The following ROBO1 variants were observed in gnomAD, a reference collection of about 807,000 sequenced individuals.
ROBO1 encodes the protein roundabout homolog 1.
Under a neutral mutation model 195.9 loss-of-function variants are expected in ROBO1, and 149 were observed. The observed-to-expected ratio is 0.76, with a 90% CI of 0.67 to 0.87. The LOEUF (loss-of-function observed/expected upper bound fraction) is 0.87, where lower values mean the gene tolerates loss of function less well. Ranked by LOEUF, ROBO1 falls within the 40% of genes least tolerant of loss-of-function variation. ROBO1 has a pLI of 0.00. For synonymous variants in ROBO1, 816 were observed against 733.2 expected (o/e 1.11, Z -1.82); for missense variants, 1,933 against 2,068.3 (o/e 0.93, Z 1.27).
At chr3:78,713,623 C>T (rs1166614471) in intron 8 of ROBO1, among the ~76,000 whole-genome samples, 7 of 151,750 alleles carry the variant, frequency 4.6e-5, no homozygotes, top group South Asian at 2.1e-4. Context: ...ATAATCAGTA[C>T]GACATCACAG....
intron 3 of ROBO1, among the ~76,000 whole-genome samples, chr3:79,089,528 TATC>T (rs2079437210): frequency 6.6e-6 from 1 of 152,160 alleles, no homozygotes; most frequent in Non-Finnish European, 1.5e-5. Context: ...TTCACTGAAT[TATC>T]ATGCTGTTGA....
chr3:79,126,356 C>A lies in ROBO1; in HGVS notation c.89-817G>T, dbSNP rs551511478. Among the ~76,000 whole-genome samples the A allele has an allele frequency of 1.2e-4, 19 of 152,200 alleles. No homozygotes were observed. The South Asian group carries it at 3.1e-3, about 25-fold the overall frequency. On this transcript the variant is annotated intron_variant, in intron 2 of 30. Coordinates refer to ENST00000464233, the MANE Select transcript of ROBO1 (RefSeq NM_002941.4). Reference sequence around the variant, plus strand: ...CTTAAATTGCACATTAATTTTCCCACGCAGAATTTTAGAGTGGAGGCTAAG... The same window carrying A: ...CTTAAATTGCACATTAATTTTCCCAAGCAGAATTTTAGAGTGGAGGCTAAG...
chr3:79,025,913 A>T (rs1208151052), intron 3 of ROBO1, among the ~76,000 whole-genome samples: 2 of 152,148 alleles, frequency 1.3e-5, no homozygotes, highest in Non-Finnish European at 2.9e-5. Flanking sequence ...ACTGGAACAC[A>T]GTTCTCTAAA....
At chr3:79,089,490 C>T (rs1045665661) in intron 3 of ROBO1, among the ~76,000 whole-genome samples, 4 of 152,100 alleles carry the variant, frequency 2.6e-5, no homozygotes, top group African/African-American at 7.2e-5. Flanking sequence ...TTACAAACAA[C>T]GTTTTAATGA....
chr3:79,354,125 A>G (rs1242708776), intron 2 of ROBO1, among the ~76,000 whole-genome samples: 4 of 152,094 alleles, frequency 2.6e-5, no homozygotes, highest in South Asian at 2.1e-4. Flanking sequence ...CACATCTAAT[A>G]CTATTACTGA....
intron 3 of ROBO1, among the ~76,000 whole-genome samples, chr3:78,990,858 T>C (rs2077220909): frequency 1.3e-5 from 2 of 152,168 alleles, no homozygotes; most frequent in Non-Finnish European, 2.9e-5. Context: ...ATTTACATAT[T>C]TATAAATGAA....
At chr3:78,780,626 A>T (rs1288776471) in intron 4 of ROBO1, among the ~76,000 whole-genome samples, 1 of 152,174 alleles carries the variant, frequency 6.6e-6, no homozygotes, top group Non-Finnish European at 1.5e-5. Flanking sequence ...CTCTTTTCAC[A>T]TCAGCTTTTA....
chr3:79,030,732 AT>A (rs1172428824), intron 3 of ROBO1, among the ~76,000 whole-genome samples: 1 of 151,996 alleles, frequency 6.6e-6, no homozygotes, highest in African/African-American at 2.4e-5. Context: ...TTATTTATTT[AT>A]TTTTTTGAGA....
intron 4 of ROBO1, among the ~76,000 whole-genome samples, chr3:78,839,862 GATAAAA>G (rs2033054946): frequency 2.0e-5 from 3 of 152,144 alleles, no homozygotes; most frequent in African/African-American, 4.8e-5. Context: ...GCCATCTGCA[GATAAAA>G]TGGTTCTGAA....
chr3:78,807,059 C>T (rs533785763), intron 4 of ROBO1, among the ~76,000 whole-genome samples: 5 of 152,184 alleles, frequency 3.3e-5, no homozygotes, highest in East Asian at 3.9e-4. Context: ...CCACCCACCT[C>T]GGCCTCCCAA....
intron 4 of ROBO1, among the ~76,000 whole-genome samples, chr3:78,934,191 T>C (rs924209029): frequency 5.9e-5 from 9 of 151,932 alleles, no homozygotes; most frequent in Admixed American, 2.0e-4. Flanking sequence ...GCAAAAACAA[T>C]TGAGACTTAT....
At chr3:79,421,025 G>A (rs2038202149) in intron 2 of ROBO1, among the ~76,000 whole-genome samples, 1 of 152,070 alleles carries the variant, frequency 6.6e-6, no homozygotes, top group African/African-American at 2.4e-5. Flanking sequence ...TATACACCAT[G>A]GAATACTATG....
At chr3:79,341,493 T>G (rs2034903837) in intron 2 of ROBO1, among the ~76,000 whole-genome samples, 1 of 151,676 alleles carries the variant, frequency 6.6e-6, no homozygotes, top group Non-Finnish European at 1.5e-5. Context: ...TACCACTGGT[T>G]CTTTTTTTTT....
chr3:79,712,155 C>G (rs1702303437), intron 1 of ROBO1, among the ~76,000 whole-genome samples: 1 of 151,996 alleles, frequency 6.6e-6, no homozygotes, highest in Non-Finnish European at 1.5e-5. Context: ...TGCATATCTC[C>G]CATTTTAATT....
At chr3:78,823,255 C>A (rs548601245) in intron 4 of ROBO1, among the ~76,000 whole-genome samples, 1 of 149,176 alleles carries the variant, frequency 6.7e-6, no homozygotes, top group Non-Finnish European at 1.5e-5. Flanking sequence ...ATTTTCCCAT[C>A]GTTTCTGCGA....
At chr3:79,123,249 T>C (rs2080153709) in intron 3 of ROBO1, among the ~76,000 whole-genome samples, 1 of 151,970 alleles carries the variant, frequency 6.6e-6, no homozygotes, top group East Asian at 1.9e-4. Flanking sequence ...TCCTCTGAAC[T>C]CAATTTTCTC....
chr3:79,739,626 A>G (rs929173510), intron 1 of ROBO1, among the ~76,000 whole-genome samples: 3 of 152,214 alleles, frequency 2.0e-5, no homozygotes, highest in African/African-American at 7.2e-5. Flanking sequence ...TATGAAACAG[A>G]AGATTAAAAA....
chr3:79,375,554 A>G (rs892671351), intron 2 of ROBO1, among the ~76,000 whole-genome samples: 1 of 152,216 alleles, frequency 6.6e-6, no homozygotes, highest in Admixed American at 6.5e-5. Flanking sequence ...TACATACTCT[A>G]TTTCCTGCAG....
chr3:78,685,870 T>G lies in ROBO1; in HGVS notation c.1218A>C (p.Ser406=), dbSNP rs1166048889. 1.2e-6 allele frequency: 2 copies of G among 1,607,664 alleles called. No individual in the cohort carries two copies. Among genetic ancestry groups the G allele is most frequent in the Non-Finnish European group, 1.7e-6 (2 of 1,176,160 alleles). Residue 406 remains serine (S), a synonymous_variant, in exon 10 of 31, where the codon TCA becomes TCC. Transcript: ENST00000464233. ...YQPPQSSSRF[S]VSQTGDLTIT... ...TTGTGAGGTCGCCAGTCTGGGAGAC[T>G]GAAAATCGGCTGGATGACTGTGGTG...
Sources: allele counts gnomAD v4.1 joint callset (sites outside exome capture counted in the v4.1 genomes callset), GRCh38; gene constraint gnomAD v4.1.1; transcripts MANE v1.5; gene names NCBI Gene and HGNC (gene_info 2026-07-23, HGNC 2026-07-21).